The following KHDRBS2 variants were observed in gnomAD, a reference collection of about 807,000 sequenced individuals.
The protein encoded by KHDRBS2 is KH domain-containing, RNA-binding, signal transduction-associated protein 2.
Under a neutral mutation model 44.3 loss-of-function variants are expected in KHDRBS2, and 26 were observed. That is an observed-to-expected ratio of 0.59 (90% CI 0.43 to 0.81). The LOEUF (loss-of-function observed/expected upper bound fraction) is 0.81, where lower values mean the gene tolerates loss of function less well. Among genes scored for constraint, KHDRBS2 ranks in the 40% least tolerant of loss-of-function variants. The pLI, the probability that KHDRBS2 is intolerant of heterozygous loss-of-function variation, is 0.00. For missense variants in KHDRBS2, 476 were observed against 433.1 expected (o/e 1.10, Z -0.88); for synonymous variants, 194 against 151.1 (o/e 1.28, Z -2.08).
intron 6 of KHDRBS2, among the ~76,000 whole-genome samples, chr6:61,819,247 G>A (rs913157743): frequency 6.6e-6 from 1 of 151,516 alleles, no homozygotes; most frequent in African/African-American, 2.4e-5. Context: ...CCAAATGAAG[G>A]GTTAAGAGAA....
chr6:61,890,945 C>T (rs778648300), intron 6 of KHDRBS2, among the ~76,000 whole-genome samples: 2 of 152,170 alleles, frequency 1.3e-5, no homozygotes, highest in South Asian at 4.1e-4. Flanking sequence ...TGGATTTTTA[C>T]ACTTAGTAAC....
chr6:62,105,824 T>C (rs1803104418), intron 2 of KHDRBS2, among the ~76,000 whole-genome samples: 1 of 152,188 alleles, frequency 6.6e-6, no homozygotes, highest in Non-Finnish European at 1.5e-5. Flanking sequence ...TGCTAGCTTT[T>C]GAATGTGTTT....
In KHDRBS2 at chr6:62,064,930, T is replaced by C. The variant is rs561132164; in HGVS notation, c.220-16936A>G. 7.7e-3 allele frequency among the ~76,000 whole-genome samples: 1,151 copies of C among 150,414 alleles called. 12 individuals carry two copies. Among genetic ancestry groups the C allele is most frequent in the African/African-American group, 0.026 (1,077 of 40,992 alleles). ...AATCTACAATGAACTCAAACAAATT[T>C]ACAAGAAAAAAACAAACAACCCCAT... On this transcript the variant is annotated intron_variant, in intron 2 of 8. Coordinates refer to ENST00000281156, the MANE Select transcript of KHDRBS2 (RefSeq NM_152688.4).
the KHDRBS2 span, among the ~76,000 whole-genome samples, chr6:61,555,709 A>T: frequency 6.6e-6 from 1 of 152,030 alleles, no homozygotes; most frequent in African/African-American, 2.4e-5. Context: ...ATCTTCTTTG[A>T]TGCCCTTAGG....
At chr6:61,715,765 G>A (rs1412683928) in intron 7 of KHDRBS2, among the ~76,000 whole-genome samples, 3 of 147,788 alleles carry the variant, frequency 2.0e-5, no homozygotes, top group Non-Finnish European at 4.4e-5. Flanking sequence ...TTCCTACTGT[G>A]CCTTTGGAAG....
chr6:61,985,875 T>C (rs1336784278), intron 3 of KHDRBS2, among the ~76,000 whole-genome samples: 1 of 152,092 alleles, frequency 6.6e-6, no homozygotes, highest in Non-Finnish European at 1.5e-5. Context: ...CCAGCAAAAT[T>C]AAAAATAAAT....
In KHDRBS2 at chr6:62,213,064, T is replaced by C. The variant is rs566910562; in HGVS notation, c.92-35752A>G. Among the ~76,000 whole-genome samples the C allele has an allele frequency of 2.0e-5, 3 of 152,222 alleles. No individual in the cohort carries two copies. The East Asian group carries it at 5.8e-4, about 29-fold the overall frequency. The stretch of plus-strand genomic sequence containing the variant: ...GAGATCAGTTCAGAAAAAAGAAATA[T>C]TGCTACCTGGCTCATCCAAGTCAGC... On this transcript the variant is annotated intron_variant, in intron 1 of 8. Coordinates refer to ENST00000281156, the MANE Select transcript of KHDRBS2 (RefSeq NM_152688.4).
intron 1 of KHDRBS2, among the ~76,000 whole-genome samples, chr6:62,188,247 G>C (rs1347845047): frequency 6.6e-6 from 1 of 151,960 alleles, no homozygotes; most frequent in Admixed American, 6.6e-5. Flanking sequence ...ATATCAAGCA[G>C]GTCTCTAGAA....
At chr6:62,243,999 A>T (rs1338158098) in intron 1 of KHDRBS2, among the ~76,000 whole-genome samples, 1 of 152,122 alleles carries the variant, frequency 6.6e-6, no homozygotes, top group East Asian at 1.9e-4. Flanking sequence ...TTAATCAATT[A>T]GTGTGATAAA....
chr6:61,774,903 G>T (rs1240896318), intron 6 of KHDRBS2, among the ~76,000 whole-genome samples: 4 of 152,080 alleles, frequency 2.6e-5, no homozygotes, highest in Non-Finnish European at 4.4e-5. Context: ...GAAAATACTA[G>T]CAAACTGAAT....
chr6:61,749,149 A>G (rs1777293729), intron 6 of KHDRBS2, among the ~76,000 whole-genome samples: 1 of 151,084 alleles, frequency 6.6e-6, no homozygotes, highest in African/African-American at 2.4e-5. Flanking sequence ...AGTAGCTGGG[A>G]CTACAGGCGC....
chr6:61,943,139 T>G (rs13192430), intron 4 of KHDRBS2, among the ~76,000 whole-genome samples: 53,654 of 150,520 alleles, frequency 0.36, 9,585 homozygotes, highest in Middle Eastern at 0.41. Context: ...AAGAAAGAAA[T>G]AAAACCTGAT....
the KHDRBS2 span, among the ~76,000 whole-genome samples, chr6:61,649,704 C>T: frequency 2.0e-5 from 3 of 152,020 alleles, no homozygotes; most frequent in East Asian, 5.8e-4. Context: ...CAATCCAAAC[C>T]ATCACAAAAT....
intron 2 of KHDRBS2, among the ~76,000 whole-genome samples, chr6:62,109,707 T>G (rs1804544849): frequency 6.6e-6 from 1 of 151,164 alleles, no homozygotes; most frequent in Admixed American, 6.6e-5. Context: ...TTTTAAAAGG[T>G]TTTAGAAATA....
intron 6 of KHDRBS2, among the ~76,000 whole-genome samples, chr6:61,806,914 T>G (rs1486585354): frequency 1.3e-5 from 2 of 152,170 alleles, no homozygotes; most frequent in Non-Finnish European, 2.9e-5. Context: ...TAAATTAAGC[T>G]TATATTGTAC....
chr6:62,068,808 A>G (rs1426754707), intron 2 of KHDRBS2, among the ~76,000 whole-genome samples: 1 of 151,588 alleles, frequency 6.6e-6, no homozygotes, highest in Admixed American at 6.6e-5. Flanking sequence ...TTGACCACAG[A>G]TTTATGGATT....
chr6:61,810,051 C>G (rs1012130184), intron 6 of KHDRBS2, among the ~76,000 whole-genome samples: 1 of 151,984 alleles, frequency 6.6e-6, no homozygotes, highest in East Asian at 1.9e-4. Flanking sequence ...CAGATAAGAT[C>G]CAGAATCACT....
chr6:62,055,864 C>T (rs1790165589), intron 2 of KHDRBS2, among the ~76,000 whole-genome samples: 1 of 152,036 alleles, frequency 6.6e-6, no homozygotes, highest in African/African-American at 2.4e-5. Flanking sequence ...GCTCTGCTGA[C>T]TTCTATGTGA....
intron 3 of KHDRBS2, among the ~76,000 whole-genome samples, chr6:62,040,570 A>G (rs1786260093): frequency 6.6e-6 from 1 of 152,174 alleles, no homozygotes; most frequent in East Asian, 1.9e-4. Context: ...AAGGACTGGA[A>G]TAATTTGGTG....
Sources: allele counts gnomAD v4.1 joint callset (sites outside exome capture counted in the v4.1 genomes callset), GRCh38; gene constraint gnomAD v4.1.1; transcripts MANE v1.5; gene names NCBI Gene and HGNC (gene_info 2026-07-23, HGNC 2026-07-21).